PRKCH: variants seen among roughly 807,000 people sequenced by gnomAD.
PRKCH encodes the protein protein kinase C eta type.
In PRKCH, 28 loss-of-function variants were observed where a neutral mutation model predicts 82.5. The observed-to-expected ratio is 0.34, with a 90% CI of 0.25 to 0.47. PRKCH has a LOEUF of 0.47. Among genes scored for constraint, PRKCH ranks in the 20% least tolerant of loss-of-function variants. PRKCH has a pLI of 1.00. For synonymous variants in PRKCH, 322 were observed against 327.4 expected (o/e 0.98, Z 0.18); for missense variants, 705 against 881.8 (o/e 0.80, Z 2.54).
intron 1 of PRKCH, among the ~76,000 whole-genome samples, chr14:61,384,093 C>T (rs2046551366): frequency 6.6e-6 from 1 of 151,898 alleles, no homozygotes; most frequent in Non-Finnish European, 1.5e-5. Flanking sequence ...AGGGAGGAGG[C>T]CTGCAGTGAC....
At chr14:61,254,956 G>A (rs747811854) in intron 1 of PRKCH, among the ~76,000 whole-genome samples, 9 of 152,138 alleles carry the variant, frequency 5.9e-5, no homozygotes, top group East Asian at 1.9e-4. Flanking sequence ...CAGGAAGGGC[G>A]GTGATGCAGA....
At chr14:61,408,631 G>A (rs1163060007) in intron 2 of PRKCH, among the ~76,000 whole-genome samples, 1 of 152,140 alleles carries the variant, frequency 6.6e-6, no homozygotes, top group African/African-American at 2.4e-5. Context: ...AAGGTTACAT[G>A]AGCTTATGCA....
chr14:61,219,400 C>T (rs75769646), intron 1 of PRKCH, among the ~76,000 whole-genome samples: 4,881 of 152,326 alleles, frequency 0.032, 252 homozygotes, highest in African/African-American at 0.11. Context: ...CTCCTTCCCA[C>T]GGAGGCAAGG....
chr14:61,267,343 C>A (rs1261544187), intron 1 of PRKCH, among the ~76,000 whole-genome samples: 1 of 152,166 alleles, frequency 6.6e-6, no homozygotes, highest in Non-Finnish European at 1.5e-5. Context: ...CAAAGCTTCC[C>A]GGTTCAAGGA....
chr14:61,331,165 TTAG>T (rs1222743657), intron 1 of PRKCH, among the ~76,000 whole-genome samples: 1 of 151,446 alleles, frequency 6.6e-6, no homozygotes, highest in African/African-American at 2.5e-5. Flanking sequence ...ATATACTTAC[TTAG>T]ATTTATTTAG....
chr14:61,415,315 G>A lies in PRKCH; in HGVS notation c.427+24027G>A, dbSNP rs1167966109. 5.9e-5 allele frequency among the ~76,000 whole-genome samples: 9 copies of A among 152,324 alleles called. No homozygotes were observed. The East Asian group carries it at 1.7e-3, about 29-fold the overall frequency. On this transcript the variant is annotated intron_variant, in intron 2 of 13. Coordinates refer to ENST00000332981, the MANE Select transcript of PRKCH (RefSeq NM_006255.5). ...AAGTGAGGCAAAGAAAAGGCAAAAAGATGAAGTTCCTGTCATTTCCCATTT... is the reference window on the plus strand; with the variant it reads ...AAGTGAGGCAAAGAAAAGGCAAAAAAATGAAGTTCCTGTCATTTCCCATTT...
intron 1 of PRKCH, among the ~76,000 whole-genome samples, chr14:61,389,489 G>A (rs2046640513): frequency 6.6e-6 from 1 of 152,150 alleles, no homozygotes; most frequent in Non-Finnish European, 1.5e-5. Context: ...CTAAGAGTTT[G>A]AGACTGGGCA....
intron 1 of PRKCH, among the ~76,000 whole-genome samples, chr14:61,192,557 T>TCTA (rs1300373534): frequency 6.6e-6 from 1 of 152,162 alleles, no homozygotes; most frequent in African/African-American, 2.4e-5. Context: ...GGTAGGTGTG[T>TCTA]GTAGAGGAGT....
chr14:61,373,443 C>A (rs1415400606), intron 1 of PRKCH, among the ~76,000 whole-genome samples: 1 of 151,934 alleles, frequency 6.6e-6, no homozygotes, highest in Non-Finnish European at 1.5e-5. Flanking sequence ...TTCCATGATT[C>A]AATAACTTCC....
chr14:61,370,285 A>G (rs968090074), intron 1 of PRKCH, among the ~76,000 whole-genome samples: 1 of 152,112 alleles, frequency 6.6e-6, no homozygotes, highest in African/African-American at 2.4e-5. Flanking sequence ...TACATAAACA[A>G]TATACTTTCT....
At chr14:61,256,537 A>C (rs528732822) in intron 1 of PRKCH, among the ~76,000 whole-genome samples, 6 of 152,210 alleles carry the variant, frequency 3.9e-5, no homozygotes, top group Admixed American at 1.3e-4. Flanking sequence ...GCTTTGGGTT[A>C]GTAGAAATTA....
intron 1 of PRKCH, among the ~76,000 whole-genome samples, chr14:61,350,712 G>A (rs2046062057): frequency 6.6e-6 from 1 of 152,094 alleles, no homozygotes. Flanking sequence ...GCATCCCTGG[G>A]GGCAGGATCG....
chr14:61,374,861 C>T (rs2140177898), intron 1 of PRKCH, among the ~76,000 whole-genome samples: 1 of 152,210 alleles, frequency 6.6e-6, no homozygotes, highest in South Asian at 2.1e-4. Context: ...TAACATTTGG[C>T]TCCTTGTTGC....
chr14:61,286,684 GA>G (rs1267382990), intron 1 of PRKCH, among the ~76,000 whole-genome samples: 2 of 152,154 alleles, frequency 1.3e-5, no homozygotes, highest in East Asian at 3.9e-4. Flanking sequence ...GCTGAGGCAG[GA>G]GAATCGCTTG....
chr14:61,221,450 G>A (rs1040404443), intron 1 of PRKCH, among the ~76,000 whole-genome samples: 3 of 151,784 alleles, frequency 2.0e-5, no homozygotes, highest in Non-Finnish European at 2.9e-5. Flanking sequence ...TTTCTGCTTG[G>A]GAAAATATTG....
intron 12 of PRKCH, among the ~76,000 whole-genome samples, chr14:61,547,200 T>C (rs961547051): frequency 2.0e-5 from 3 of 152,204 alleles, no homozygotes; most frequent in Admixed American, 1.3e-4. Flanking sequence ...AACTTTGTTT[T>C]TTCTAGAGCC....
intron 1 of PRKCH, among the ~76,000 whole-genome samples, chr14:61,276,157 C>T (rs2045199661): frequency 6.6e-6 from 1 of 151,986 alleles, no homozygotes; most frequent in Non-Finnish European, 1.5e-5. Context: ...TCATGAAGAC[C>T]TTCTTAACGA....
rs141084414 is a variant in PRKCH at position 61,395,804 on chromosome 14, G to T, written c.427+4516G>T. ...ATCTTAACATTGACTTTATGGCCAG[G>T]CGTGGTGTCTCACACCTGTAATCCC... On this transcript the variant is annotated intron_variant, in intron 2 of 13. Transcript: ENST00000332981. Among the ~76,000 whole-genome samples the T allele has an allele frequency of 7.7e-4, 117 of 152,254 alleles. 1 individual carries two copies. Among genetic ancestry groups the T allele is most frequent in the African/African-American group, 2.7e-3 (112 of 41,548 alleles).
At chr14:61,527,612 C>T (rs4902073) in intron 10 of PRKCH, among the ~76,000 whole-genome samples, 3,628 of 152,318 alleles carry the variant, frequency 0.024, 70 homozygotes, top group Middle Eastern at 0.041. Flanking sequence ...ATCTGTTACT[C>T]CCTTAATGAG....
Sources: allele counts gnomAD v4.1 joint callset (sites outside exome capture counted in the v4.1 genomes callset), GRCh38; gene constraint gnomAD v4.1.1; transcripts MANE v1.5; gene names NCBI Gene and HGNC (gene_info 2026-07-23, HGNC 2026-07-21).